Variants in SPPL3 observed in about 807,000 individuals in gnomAD.
The protein encoded by SPPL3 is signal peptide peptidase like 3.
SPPL3 carries 5 observed loss-of-function variants against 42.4 expected under a neutral mutation model. That is an observed-to-expected ratio of 0.12 (90% CI 0.06 to 0.25). The LOEUF (loss-of-function observed/expected upper bound fraction) is 0.25, where lower values mean the gene tolerates loss of function less well. Ranked by LOEUF, SPPL3 falls within the 10% of genes least tolerant of loss-of-function variation. The pLI is 1.00. For synonymous variants in SPPL3, 195 were observed against 181.8 expected, an observed-to-expected ratio of 1.07 and a Z score of -0.58; for missense variants, 235 against 489.0, an observed-to-expected ratio of 0.48 and a Z score of 4.90.
intron 2 of SPPL3, among the ~76,000 whole-genome samples, chr12:120,805,280 AAC>A (rs1214900001): frequency 6.6e-6 from 1 of 152,340 alleles, no homozygotes; most frequent in East Asian, 1.9e-4. Context: ...AATGGACAAA[AAC>A]CACAGGATCA....
At chr12:120,765,137 T>TAA in intron 10 of SPPL3, 67 bp from the exon 11 acceptor site, 40 of 1,196,084 alleles carry the variant, frequency 3.3e-5, no homozygotes, top group Non-Finnish European at 3.9e-5. Flanking sequence ...TCTGATTCTT[T>TAA]AAAAAAAAAA....
At chr12:120,767,722 G>A (rs964010433) in intron 8 of SPPL3, 129 bp from the exon 9 acceptor site, 9 of 917,568 alleles carry the variant, frequency 9.8e-6, no homozygotes, top group Non-Finnish European at 1.5e-5. Flanking sequence ...AATCTCTTCT[G>A]ATGGAACATT....
At chr12:120,894,871 C>T (rs1310746748) in intron 1 of SPPL3, among the ~76,000 whole-genome samples, 5 of 152,066 alleles carry the variant, frequency 3.3e-5, no homozygotes, top group South Asian at 4.1e-4. Flanking sequence ...CCCTTGAACC[C>T]GGGAGGTGGA....
chr12:120,813,280 C>T (rs1045770816), intron 1 of SPPL3, among the ~76,000 whole-genome samples: 3 of 150,828 alleles, frequency 2.0e-5, no homozygotes, highest in Admixed American at 6.6e-5. Context: ...TCATGAGACA[C>T]TGCTGTGGTC....
rs952011804 is a variant in SPPL3 at position 120,763,667 on chromosome 12, A to C, written c.*1332T>G. 2.0e-5 allele frequency: 3 copies of C among 153,002 alleles called. No individual in the cohort carries two copies. Among genetic ancestry groups the C allele is most frequent in the African/African-American group, 7.2e-5 (3 of 41,456 alleles). 9.5% of individuals were successfully genotyped at this position (153,002 alleles called of 1,614,324 possible). ...CAGGGCCAGGCTCTCAGGACACAGC[A>C]GCTGGTTCTTTCCCCAGTTACTGGA... On this transcript the variant is annotated 3_prime_UTR_variant, in exon 11 of 11. Transcript: ENST00000353487.
intron 1 of SPPL3, among the ~76,000 whole-genome samples, chr12:120,829,633 A>G (rs982220522): frequency 1.3e-5 from 2 of 152,036 alleles, no homozygotes; most frequent in Non-Finnish European, 2.9e-5. Context: ...GCTCTTTGAA[A>G]GACACTGGTC....
Position 120,764,322 on chromosome 12 carries a change from ATAT to A in SPPL3, c.*674_*676del, listed in dbSNP as rs2136963129. 7.5e-6 allele frequency: 1 copy of A among 134,062 alleles called. No homozygotes were observed. Among genetic ancestry groups the A allele is most frequent in the Admixed American group, 7.8e-5 (1 of 12,830 alleles). The allele number at this position is 134,062 out of a possible 1,614,324, so 8.3% of individuals were successfully genotyped here. Reference sequence around the variant, plus strand: ...CATATATATCTATGTGTGTGTTTATATATATATATGTACGTATGTATAAAAACC... The same window carrying A: ...CATATATATCTATGTGTGTGTTTATAATATATGTACGTATGTATAAAAACC... On this transcript the variant is annotated 3_prime_UTR_variant, in exon 11 of 11. Transcript: ENST00000353487.
At chr12:120,901,712 T>G (rs2137075031) in intron 1 of SPPL3, among the ~76,000 whole-genome samples, 1 of 152,114 alleles carries the variant, frequency 6.6e-6, no homozygotes, top group South Asian at 2.1e-4. Context: ...GTTGAGGGGC[T>G]AAGCTCCCCG....
At chr12:120,804,840 C>CA (rs1870436513) in intron 2 of SPPL3, among the ~76,000 whole-genome samples, 1 of 152,094 alleles carries the variant, frequency 6.6e-6, no homozygotes, top group Non-Finnish European at 1.5e-5. Context: ...AAAAGGGAAA[C>CA]AACCCAAACG....
chr12:120,806,929 A>C (rs753828491), intron 2 of SPPL3, among the ~76,000 whole-genome samples: 3 of 152,102 alleles, frequency 2.0e-5, no homozygotes, highest in Non-Finnish European at 2.9e-5. Context: ...CATTTTATGG[A>C]TCATGCTTTT....
At chr12:120,766,416 G>A (rs374354593) in intron 9 of SPPL3, 44 bp from the exon 10 acceptor site, 131 of 1,488,344 alleles carry the variant, frequency 8.8e-5, no homozygotes, top group Middle Eastern at 1.7e-4. Context: ...GAGGGAACCC[G>A]TGTCACCTGG....
At chr12:120,886,221 A>C (rs1873457193) in intron 1 of SPPL3, among the ~76,000 whole-genome samples, 1 of 152,086 alleles carries the variant, frequency 6.6e-6, no homozygotes, top group Non-Finnish European at 1.5e-5. Flanking sequence ...AATCTATACA[A>C]CAGCCCACTC....
At chr12:120,827,022 T>C (rs931345474) in intron 1 of SPPL3, among the ~76,000 whole-genome samples, 53 of 152,246 alleles carry the variant, frequency 3.5e-4, no homozygotes, top group African/African-American at 1.2e-3. Context: ...CAGTTGGTGA[T>C]TTCTACCAAC....
chr12:120,860,527 G>A (rs1170984124), intron 1 of SPPL3, among the ~76,000 whole-genome samples: 2 of 152,158 alleles, frequency 1.3e-5, no homozygotes, highest in Non-Finnish European at 2.9e-5. Flanking sequence ...CAAGGTAAGT[G>A]CAAAAACTGA....
intron 1 of SPPL3, among the ~76,000 whole-genome samples, chr12:120,873,525 A>G (rs779245845): frequency 3.3e-5 from 5 of 152,206 alleles, no homozygotes; most frequent in Non-Finnish European, 5.9e-5. Flanking sequence ...AATCAGTGGT[A>G]AAAAGAAAAA....
chr12:120,765,822 T>C (rs1467293302), intron 10 of SPPL3, among the ~76,000 whole-genome samples: 2 of 152,294 alleles, frequency 1.3e-5, no homozygotes, highest in South Asian at 2.1e-4. Context: ...TGAGAATAGA[T>C]ATCTGGGAAA....
intron 2 of SPPL3, among the ~76,000 whole-genome samples, chr12:120,802,695 A>G (rs1592970172): frequency 6.6e-6 from 1 of 152,106 alleles, no homozygotes; most frequent in South Asian, 2.1e-4. Flanking sequence ...TTGGCCTCTG[A>G]ACATGCTGGG....
intron 1 of SPPL3, among the ~76,000 whole-genome samples, chr12:120,884,977 TGTAA>T (rs1873408644): frequency 6.6e-6 from 1 of 152,130 alleles, no homozygotes; most frequent in Non-Finnish European, 1.5e-5. Context: ...CATTATTTAG[TGTAA>T]GTAAGGCTTC....
intron 1 of SPPL3, among the ~76,000 whole-genome samples, chr12:120,826,712 G>T (rs980360100): frequency 8.5e-5 from 13 of 152,092 alleles, no homozygotes; most frequent in African/African-American, 3.1e-4. Context: ...CAATGACTAA[G>T]GTCTTTGATC....
Sources: gnomAD v4.1 joint callset for allele counts (sites outside exome capture counted in the v4.1 genomes callset) on GRCh38, gnomAD v4.1.1 for gene constraint, MANE v1.5 for transcripts, NCBI Gene and HGNC (gene_info 2026-07-23, HGNC 2026-07-21) for gene names.